Variants in TEX29 observed in about 807,000 individuals in gnomAD.
TEX29 encodes testis-expressed protein 29.
TEX29 carries 26 observed loss-of-function variants against 18.2 expected under a neutral mutation model. That is an observed-to-expected ratio of 1.43 (90% CI 1.04 to 1.98). The LOEUF is 1.98. Ranked by LOEUF, TEX29 falls within the 30% of genes most tolerant of loss-of-function variation. The pLI, the probability that TEX29 is intolerant of heterozygous loss-of-function variation, is 0.00. For missense variants in TEX29, 177 were observed against 194.2 expected, an observed-to-expected ratio of 0.91 and a Z score of 0.53; for synonymous variants, 83 against 78.5, an observed-to-expected ratio of 1.06 and a Z score of -0.31.
At position 111,328,298 on chromosome 13, in the gene TEX29, G is replaced by A; in HGVS notation, c.169+5G>A. ...GCTACAAGAAAGCGGTTCCCAGTGA[G>A]TAGACGCCCCGGCCACCCCGTGGCG... On this transcript the variant is annotated splice_donor_5th_base_variant and intron_variant, in intron 3 of 5. Coordinates refer to ENST00000283547, the MANE Select transcript of TEX29 (RefSeq NM_152324.3). 6 of 1,609,720 alleles carry A rather than the reference G, an allele frequency of 3.7e-6. No individual in the cohort carries two copies. Among genetic ancestry groups the A allele is most frequent in the Non-Finnish European group, 5.1e-6 (6 of 1,176,976 alleles).
chr13:111,319,768 C>T (rs72653585), upstream of TEX29, among the ~76,000 whole-genome samples: 12,227 of 152,196 alleles, frequency 0.08, 1,245 homozygotes, highest in African/African-American at 0.24. Context: ...TCTGGGATTA[C>T]AGGTGCGCAC....
Position 111,339,759 on chromosome 13 carries a change from G to C in TEX29, c.170-104G>C, listed in dbSNP as rs561823837. The C allele has an allele frequency of 3.5e-6, 4 of 1,143,288 alleles. No individual in the cohort carries two copies. The South Asian group carries it at 3.8e-5, about 11-fold the overall frequency. The allele number at this position is 1,143,288 out of a possible 1,614,324, so 70.8% of individuals were successfully genotyped here. ...AGGAGTGCTGACCATGGGCAGCCGC[G>C]CCGGGAGGGCCCGCACCCGACTCTG... On this transcript the variant is annotated intron_variant, in intron 3 of 5. Coordinates refer to ENST00000283547, the MANE Select transcript of TEX29 (RefSeq NM_152324.3).
At chr13:111,316,414 T>G (rs965493053), upstream of TEX29, among the ~76,000 whole-genome samples, 1 of 152,232 alleles carries the variant, frequency 6.6e-6, no homozygotes, top group African/African-American at 2.4e-5. Context: ...GCGCAGCTCC[T>G]CAGATGCTTC....
In TEX29 at chr13:111,339,951, T is replaced by C. The variant is rs1310944299; in HGVS notation, c.239+19T>C. On this transcript the variant is annotated intron_variant, in intron 4 of 5. Transcript: ENST00000283547. The stretch of plus-strand genomic sequence containing the variant: ...TCTACAGGTCGGTCCCTTTGTTCTT[T>C]ACTGGGAGGGTGGGGAGGAGGGGAC... 1 of 1,485,302 alleles carries C rather than the reference T, an allele frequency of 6.7e-7. No homozygotes were observed. Among genetic ancestry groups the C allele is most frequent in the Admixed American group, 1.7e-5 (1 of 59,116 alleles). 92.0% of individuals were successfully genotyped at this position (1,485,302 alleles called of 1,614,324 possible). A position where few individuals can be genotyped will look rare whatever the true frequency, so the allele number is the denominator to read the frequency against.
At chr13:111,322,980 C>T (rs1206596770) in intron 2 of TEX29, among the ~76,000 whole-genome samples, 1 of 152,222 alleles carries the variant, frequency 6.6e-6, no homozygotes, top group Non-Finnish European at 1.5e-5. Flanking sequence ...ACCCCTGGGT[C>T]TGAACCCAAG....
At chr13:111,333,291 C>A (rs1196074515) in intron 3 of TEX29, among the ~76,000 whole-genome samples, 1 of 152,134 alleles carries the variant, frequency 6.6e-6, no homozygotes. Context: ...ACCATTATTT[C>A]TTCAAATATT....
intron 2 of TEX29, among the ~76,000 whole-genome samples, chr13:111,326,935 T>C (rs2093675025): frequency 6.6e-6 from 1 of 152,120 alleles, no homozygotes; most frequent in East Asian, 1.9e-4. Context: ...TGTAGACACA[T>C]GGGCTGCTGC....
intron 2 of TEX29, among the ~76,000 whole-genome samples, chr13:111,327,899 C>T (rs1405626584): frequency 1.3e-5 from 2 of 152,246 alleles, no homozygotes; most frequent in Non-Finnish European, 2.9e-5. Context: ...TGGGCTCTGT[C>T]GTGCGCCGTG....
intron 5 of TEX29, 85 bp from the exon 6 acceptor site, chr13:111,343,998 A>T: frequency 8.7e-7 from 1 of 1,150,578 alleles, no homozygotes; most frequent in Non-Finnish European, 1.3e-6. Flanking sequence ...CACCATGTAG[A>T]TGGGTTCAAA....
intron 2 of TEX29, among the ~76,000 whole-genome samples, chr13:111,325,383 G>A (rs1021237154): frequency 3.9e-5 from 6 of 152,074 alleles, no homozygotes; most frequent in African/African-American, 1.2e-4. Context: ...TACCACTGCT[G>A]GTGCCAGTGG....
chr13:111,344,226 A>C lies in TEX29; in HGVS notation c.*103A>C. 1 of 971,970 alleles carries C rather than the reference A, an allele frequency of 1.0e-6. No individual in the cohort carries two copies. Among genetic ancestry groups the C allele is most frequent in the Non-Finnish European group, 1.6e-6 (1 of 628,940 alleles). The allele number at this position is 971,970 out of a possible 1,614,324, so 60.2% of individuals were successfully genotyped here. A position where few individuals can be genotyped will look rare whatever the true frequency, so the allele number is the denominator to read the frequency against. On this transcript the variant is annotated 3_prime_UTR_variant, in exon 6 of 6. Coordinates refer to ENST00000283547, the MANE Select transcript of TEX29 (RefSeq NM_152324.3). ...ATGGAATGACCACCCAAAGAGAAAAAAATAAAGGTATTTTGAAAATTGCTT... is the reference window on the plus strand; with the variant it reads ...ATGGAATGACCACCCAAAGAGAAAACAATAAAGGTATTTTGAAAATTGCTT...
At chr13:111,339,591 G>A (rs1274026356) in intron 3 of TEX29, among the ~76,000 whole-genome samples, 2 of 152,086 alleles carry the variant, frequency 1.3e-5, no homozygotes, top group African/African-American at 4.8e-5. Flanking sequence ...ACTCCCGGGG[G>A]TCAGGGTGGT....
In TEX29 at chr13:111,320,910, TGAA is replaced by T. The variant is rs1352662469; in HGVS notation, c.24_26del (p.Lys8del). 3 of 1,566,686 alleles carry T rather than the reference TGAA, an allele frequency of 1.9e-6. No individual in the cohort carries two copies. The highest frequency in any genetic ancestry group is 2.6e-6 in the Non-Finnish European group (3 of 1,157,458). On this transcript the variant is annotated inframe_deletion, in exon 2 of 6. Coordinates refer to ENST00000283547, the MANE Select transcript of TEX29 (RefSeq NM_152324.3). ...GCAGCAATGGAATACGTGCTGGAAG[TGAA>T]GAACTCTCCGCGGCACCTCCTGAAG...
chr13:111,334,784 A>T (rs1197649775), intron 3 of TEX29, among the ~76,000 whole-genome samples: 1 of 152,262 alleles, frequency 6.6e-6, no homozygotes, highest in Non-Finnish European at 1.5e-5. Flanking sequence ...GCTCAGATCA[A>T]ATAAAGCTGA....
intron 5 of TEX29, among the ~76,000 whole-genome samples, 156 bp downstream of exon 5, chr13:111,343,087 T>C (rs1206299107): frequency 1.3e-5 from 2 of 152,166 alleles, no homozygotes; most frequent in African/African-American, 4.8e-5. Context: ...GTACCCAACA[T>C]TGGAGGTTCA....
chr13:111,323,264 T>C (rs949417767), intron 2 of TEX29, among the ~76,000 whole-genome samples: 1 of 152,208 alleles, frequency 6.6e-6, no homozygotes, highest in Non-Finnish European at 1.5e-5. Flanking sequence ...CAGGGCACCA[T>C]GTTCACATGG....
Position 111,339,901 on chromosome 13 carries a change from G to C in TEX29, c.208G>C (p.Ala70Pro). 1.2e-6 allele frequency: 2 copies of C among 1,613,918 alleles called. No individual in the cohort carries two copies. Among genetic ancestry groups the C allele is most frequent in the Non-Finnish European group, 1.7e-6 (2 of 1,179,996 alleles). ...HVFSALIVII[A>P]GAFVITIIYR... ...GTTCTCTGCCTTGATTGTGATCATC[G>C]CTGGGGCCTTCGTCATCACCATCAT... The change falls in exon 4 of 6, where the codon GCT becomes CCT. Residue 70 changes from alanine (A) to proline (P), a missense_variant. Ala to Pro is a conservative substitution (Grantham distance 27). Coordinates refer to ENST00000283547, the MANE Select transcript of TEX29 (RefSeq NM_152324.3).
At chr13:111,336,854 C>CT (rs1440314210) in intron 3 of TEX29, among the ~76,000 whole-genome samples, 1 of 152,188 alleles carries the variant, frequency 6.6e-6, no homozygotes, top group Admixed American at 6.5e-5. Context: ...GAGTCTCCAT[C>CT]TTTAGGAGCT....
chr13:111,343,659 T>A (rs2153642252), intron 5 of TEX29, among the ~76,000 whole-genome samples: 1 of 152,366 alleles, frequency 6.6e-6, no homozygotes, highest in Admixed American at 6.5e-5. Flanking sequence ...TCTTCAGAGA[T>A]GTTTGTACAG....
Sources: allele counts gnomAD v4.1 joint callset (sites outside exome capture counted in the v4.1 genomes callset), GRCh38; gene constraint gnomAD v4.1.1; transcripts MANE v1.5; gene names NCBI Gene and HGNC (gene_info 2026-07-23, HGNC 2026-07-21).